TCF4: variants seen among roughly 807,000 people sequenced by gnomAD.
TCF4 encodes transcription factor 4.
TCF4 carries 3 observed loss-of-function variants against 82.1 expected under a neutral mutation model. The ratio of observed to expected loss-of-function variants is 0.04; its 90% CI spans 0.02 to 0.09. The LOEUF is 0.09. Ranked by LOEUF, TCF4 falls within the 10% of genes least tolerant of loss-of-function variation. The probability of loss-of-function intolerance (pLI) is 1.00; values close to 1 mark genes in which losing one functional copy is unlikely to be tolerated. For synonymous variants in TCF4, 276 were observed against 309.6 expected, an observed-to-expected ratio of 0.89 and a Z score of 1.14; for missense variants, 518 against 852.7, an observed-to-expected ratio of 0.61 and a Z score of 4.89.
chr18:55,557,947 T>C lies in TCF4; in HGVS notation c.145+27333A>G, dbSNP rs886689859. Among the ~76,000 whole-genome samples, 5 of 152,120 alleles carry C rather than the reference T, an allele frequency of 3.3e-5. No homozygotes were observed. In the East Asian group the frequency reaches 9.6e-4, roughly 29 times the overall value. On this transcript the variant is annotated intron_variant, in intron 3 of 19. Transcript: ENST00000354452. ...ATTACATGAGCTGGGCTGAGTTCTT[T>C]AAATGCCAGAACTTGGGGAGACCAA...
chr18:55,457,788 T>C (rs2095794538), intron 5 of TCF4, among the ~76,000 whole-genome samples: 1 of 152,216 alleles, frequency 6.6e-6, no homozygotes, highest in Non-Finnish European at 1.5e-5. Flanking sequence ...GGAATTTCAG[T>C]GCCAAATAGA....
At chr18:55,349,548 G>A (rs894087442) in intron 8 of TCF4, among the ~76,000 whole-genome samples, 12 of 151,408 alleles carry the variant, frequency 7.9e-5, no homozygotes, top group South Asian at 2.1e-4. Flanking sequence ...CAGCAAGGAA[G>A]AATGAAAAAA....
At chr18:55,286,781 GGAA>G (rs2063783433) in intron 8 of TCF4, among the ~76,000 whole-genome samples, 1 of 152,128 alleles carries the variant, frequency 6.6e-6, no homozygotes, top group African/African-American at 2.4e-5. Context: ...TACTAATGGA[GGAA>G]GAAGAATCCT....
chr18:55,532,975 A>G (rs753417697), intron 3 of TCF4, among the ~76,000 whole-genome samples: 2 of 152,074 alleles, frequency 1.3e-5, no homozygotes, highest in African/African-American at 2.4e-5. Context: ...AAAAACAAAA[A>G]ATCACCAACA....
At chr18:55,538,030 A>G (rs71352207) in intron 3 of TCF4, among the ~76,000 whole-genome samples, 23,570 of 126,230 alleles carry the variant, frequency 0.19, 2,196 homozygotes, top group Admixed American at 0.32. Context: ...GCGCGCGCAC[A>G]CACACACACA....
chr18:55,465,168 G>T (rs1369282652), intron 3 of TCF4, among the ~76,000 whole-genome samples: 2 of 152,202 alleles, frequency 1.3e-5, no homozygotes, highest in South Asian at 2.1e-4. Flanking sequence ...GGAGGAGGAA[G>T]TGTGAAACTA....
chr18:55,381,925 T>TAA (rs556808034), intron 6 of TCF4, among the ~76,000 whole-genome samples: 44 of 150,778 alleles, frequency 2.9e-4, no homozygotes, highest in African/African-American at 9.3e-4. Context: ...TTTTTTTTTT[T>TAA]AAAAAAGGAA....
intron 3 of TCF4, among the ~76,000 whole-genome samples, chr18:55,471,765 CAAA>C (rs11338618): frequency 9.1e-5 from 12 of 131,462 alleles, no homozygotes; most frequent in Non-Finnish European, 9.7e-5. Flanking sequence ...GACTCTGTCT[CAAA>C]AAAAAAAAAA....
intron 2 of TCF4, among the ~76,000 whole-genome samples, chr18:55,621,979 A>ATATATAT (rs2097721249): frequency 2.3e-5 from 3 of 128,398 alleles, no homozygotes; most frequent in Non-Finnish European, 4.6e-5. Context: ...ATTATATATT[A>ATATATAT]TATATACACT....
intron 2 of TCF4, among the ~76,000 whole-genome samples, chr18:55,609,555 G>A (rs1005776355): frequency 7.2e-5 from 11 of 152,284 alleles, no homozygotes; most frequent in Admixed American, 2.6e-4. Flanking sequence ...ACAGAGGAAC[G>A]TGATAGCTGT....
At chr18:55,583,178 T>C (rs2097593915) in intron 3 of TCF4, among the ~76,000 whole-genome samples, 1 of 152,142 alleles carries the variant, frequency 6.6e-6, no homozygotes, top group Non-Finnish European at 1.5e-5. Flanking sequence ...TTTTTACCCT[T>C]ACAAGTAAAC....
In TCF4 at chr18:55,275,757, A is replaced by G. The variant is rs2061396253; in HGVS notation, c.656-5T>C. 6.2e-7 allele frequency: 1 copy of G among 1,613,750 alleles called. No individual in the cohort carries two copies. On this transcript the variant is annotated splice_region_variant and splice_polypyrimidine_tract_variant and intron_variant, in intron 9 of 19. Transcript: ENST00000354452. ...GGTCACTGCTGTGATGGCCATCTGT[A>G]AAGGACAAAGACAACCATGACTTTC...
chr18:55,275,229 G>A (rs937112745), intron 10 of TCF4, among the ~76,000 whole-genome samples: 2 of 131,536 alleles, frequency 1.5e-5, no homozygotes, highest in Non-Finnish European at 3.1e-5. Flanking sequence ...ATAATCTACC[G>A]ACTGTCACTC....
At chr18:55,240,884 G>A (rs1431439275) in intron 15 of TCF4, among the ~76,000 whole-genome samples, 1 of 152,170 alleles carries the variant, frequency 6.6e-6, no homozygotes, top group Non-Finnish European at 1.5e-5. Context: ...TGTATGTCGG[G>A]AGAAGATTTC....
chr18:55,325,625 T>A (rs2076418728), intron 8 of TCF4, among the ~76,000 whole-genome samples: 1 of 152,222 alleles, frequency 6.6e-6, no homozygotes, highest in South Asian at 2.1e-4. Flanking sequence ...CTCCCGAATA[T>A]AACTTGGTAG....
chr18:55,296,492 G>C (rs1351361673), intron 8 of TCF4, among the ~76,000 whole-genome samples: 1 of 152,204 alleles, frequency 6.6e-6, no homozygotes, highest in Admixed American at 6.5e-5. Flanking sequence ...GTAAGGGTGA[G>C]AGTCTATGAT....
intron 3 of TCF4, among the ~76,000 whole-genome samples, chr18:55,466,595 A>C (rs1321543189): frequency 1.3e-5 from 2 of 152,202 alleles, no homozygotes; most frequent in Admixed American, 1.3e-4. Context: ...CAAGTTGGAG[A>C]AAAGATGTAT....
chr18:55,464,804 T>C (rs1436765245), intron 3 of TCF4, among the ~76,000 whole-genome samples: 1 of 152,180 alleles, frequency 6.6e-6, no homozygotes, highest in Non-Finnish European at 1.5e-5. Context: ...ATGTGGTTAT[T>C]CCATTATAAA....
chr18:55,388,927 T>C (rs930596429), intron 6 of TCF4, among the ~76,000 whole-genome samples: 1 of 151,758 alleles, frequency 6.6e-6, no homozygotes, highest in African/African-American at 2.4e-5. Flanking sequence ...ATTGAGACCA[T>C]CCTGGCTAAC....
Sources: gnomAD v4.1 joint callset for allele counts (sites outside exome capture counted in the v4.1 genomes callset) on GRCh38, gnomAD v4.1.1 for gene constraint, MANE v1.5 for transcripts, NCBI Gene and HGNC (gene_info 2026-07-23, HGNC 2026-07-21) for gene names.